The following RXRA variants were observed in gnomAD, a reference collection of about 807,000 sequenced individuals.
The protein encoded by RXRA is retinoid X receptor alpha, also known as retinoic acid receptor RXR-alpha.
RXRA carries 5 observed loss-of-function variants against 44.5 expected under a neutral mutation model. That is an observed-to-expected ratio of 0.11 (90% CI 0.06 to 0.24). RXRA has a LOEUF of 0.24. Among genes scored for constraint, RXRA ranks in the 10% least tolerant of loss-of-function variants. The pLI is 1.00. For missense variants in RXRA, 412 were observed against 646.5 expected, an observed-to-expected ratio of 0.64 and a Z score of 3.93; for synonymous variants, 291 against 271.4, an observed-to-expected ratio of 1.07 and a Z score of -0.71.
intron 6 of RXRA, chr9:134,422,028 C>G (rs1224110954): frequency 6.3e-6 from 9 of 1,433,278 alleles, no homozygotes; most frequent in Non-Finnish European, 7.4e-6. Context: ...TCCCCCCTCC[C>G]TGGATGCTCC....
intron 1 of RXRA, among the ~76,000 whole-genome samples, chr9:134,397,336 C>A (rs540891037): frequency 1.3e-5 from 2 of 152,186 alleles, no homozygotes; most frequent in Non-Finnish European, 2.9e-5. Flanking sequence ...ACTAAACCTG[C>A]CGCTTAGCCC....
intron 1 of RXRA, among the ~76,000 whole-genome samples, chr9:134,346,988 G>A (rs1201511579): frequency 7.9e-5 from 12 of 152,220 alleles, no homozygotes; most frequent in African/African-American, 2.2e-4. Flanking sequence ...CCTGGCCCTT[G>A]CGGGGAGGGC....
chr9:134,338,899 C>T (rs1291906075), intron 1 of RXRA, among the ~76,000 whole-genome samples: 2 of 152,236 alleles, frequency 1.3e-5, no homozygotes, highest in Non-Finnish European at 2.9e-5. Context: ...TTCTGCCCTC[C>T]CTGCTGACCC....
chr9:134,440,176 TC>T lies in RXRA; in HGVS notation c.*3563del, dbSNP rs1174675479. ...TGGCGGGGGGAGGGCTGGGACTGTT[TC>T]GTTTCTGCTTCTAGAGATTGAGGTG... is the stretch of plus-strand genomic sequence containing the variant. On this transcript the variant is annotated 3_prime_UTR_variant, in exon 10 of 10. Transcript: ENST00000481739. 6.6e-6 allele frequency: 1 copy of T among 152,122 alleles called. No homozygotes were observed. The highest frequency in any genetic ancestry group is 2.4e-5 in the African/African-American group (1 of 41,410). 9.4% of individuals were successfully genotyped at this position (152,122 alleles called of 1,614,324 possible).
chr9:134,339,683 G>GTGTGTGTCTCTGTGTGTGTGCC (rs1554747843), intron 1 of RXRA, among the ~76,000 whole-genome samples: 2 of 151,368 alleles, frequency 1.3e-5, no homozygotes, highest in Non-Finnish European at 2.9e-5. Context: ...GCCTGTGTGT[G>GTGTGTGTCTCTGTGTGTGTGCC]TGTGTGTCTC....
At chr9:134,367,476 T>C (rs1830429144) in intron 1 of RXRA, among the ~76,000 whole-genome samples, 2 of 152,234 alleles carry the variant, frequency 1.3e-5, no homozygotes, top group African/African-American at 4.8e-5. Flanking sequence ...CAGGGCCCGC[T>C]GTGTGCCCTT....
At position 134,436,890 on chromosome 9, in the gene RXRA, A is replaced by G. The variant is rs1042525614; in HGVS notation, c.*276A>G. The G allele has an allele frequency of 6.8e-6, 3 of 444,268 alleles. No homozygotes were observed. Among genetic ancestry groups the G allele is most frequent in the Non-Finnish European group, 1.2e-5 (3 of 246,424 alleles). 27.5% of individuals were successfully genotyped at this position (444,268 alleles called of 1,614,324 possible). On this transcript the variant is annotated 3_prime_UTR_variant, in exon 10 of 10. Coordinates refer to ENST00000481739, the MANE Select transcript of RXRA (RefSeq NM_002957.6). Reference sequence around the variant, plus strand: ...CCAGGCGCCTCCCCACCGGGCTCTCAGGACACCCTGCCACACCCCACGGGG... The same window carrying G: ...CCAGGCGCCTCCCCACCGGGCTCTCGGGACACCCTGCCACACCCCACGGGG...
intron 6 of RXRA, among the ~76,000 whole-genome samples, chr9:134,428,028 G>A (rs1252185731): frequency 3.9e-5 from 6 of 152,164 alleles, no homozygotes; most frequent in East Asian, 1.9e-4. Context: ...GTGATTCCAC[G>A]TCACCCGGTC....
chr9:134,429,671 G>T (rs117048494), intron 7 of RXRA, among the ~76,000 whole-genome samples: 1 of 152,206 alleles, frequency 6.6e-6, no homozygotes, highest in Non-Finnish European at 1.5e-5. Flanking sequence ...GCAGGCAGGG[G>T]TGTCGGGACC....
At chr9:134,383,555 G>T (rs546466151) in intron 1 of RXRA, among the ~76,000 whole-genome samples, 1 of 152,150 alleles carries the variant, frequency 6.6e-6, no homozygotes, top group Admixed American at 6.5e-5. Flanking sequence ...TAAATGAAGC[G>T]CATTGATGGG....
At chr9:134,418,251 G>A (rs1831273112) in intron 5 of RXRA, among the ~76,000 whole-genome samples, 1 of 152,176 alleles carries the variant, frequency 6.6e-6, no homozygotes, top group South Asian at 2.1e-4. Flanking sequence ...TTGGGCAGGT[G>A]AGCTCCTGGC....
chr9:134,388,745 G>A (rs1200963402), intron 1 of RXRA, among the ~76,000 whole-genome samples: 2 of 152,198 alleles, frequency 1.3e-5, no homozygotes, highest in Admixed American at 6.5e-5. Flanking sequence ...TGGATGGGGA[G>A]GGGAGTCATC....
chr9:134,364,705 C>T (rs1187574910), intron 1 of RXRA, among the ~76,000 whole-genome samples: 2 of 152,214 alleles, frequency 1.3e-5, no homozygotes, highest in East Asian at 1.9e-4. Flanking sequence ...TGGGCTCTTC[C>T]GGGCAAGGCT....
chr9:134,361,104 C>G (rs1830346352), intron 1 of RXRA, among the ~76,000 whole-genome samples: 1 of 152,366 alleles, frequency 6.6e-6, no homozygotes, highest in South Asian at 2.1e-4. Flanking sequence ...CCTTCGCTGT[C>G]AGACTGGACT....
chr9:134,366,092 T>G lies in RXRA; in HGVS notation c.29-35540T>G, dbSNP rs1038966240. On this transcript the variant is annotated intron_variant, in intron 1 of 9. Transcript: ENST00000481739. The surrounding 1 kb of genome is among the most constrained non-coding windows in gnomAD (Gnocchi z 5.9). ...ATCTTCAGCATCTCTCGTGCCTCAG[T>G]AACAACCTGGGAGCGGTGCTGTCCC... is the stretch of plus-strand genomic sequence containing the variant. 1.3e-5 allele frequency among the ~76,000 whole-genome samples: 2 copies of G among 152,074 alleles called. No homozygotes were observed.
intron 1 of RXRA, among the ~76,000 whole-genome samples, chr9:134,373,391 C>T (rs1251329264): frequency 6.6e-6 from 1 of 152,212 alleles, no homozygotes; most frequent in African/African-American, 2.4e-5. Context: ...TGTGCCGGGC[C>T]CTGCGCTCAG....
At chr9:134,368,514 G>A (rs1020675550) in intron 1 of RXRA, among the ~76,000 whole-genome samples, 9 of 152,172 alleles carry the variant, frequency 5.9e-5, no homozygotes, top group South Asian at 2.1e-4. Flanking sequence ...CATGTGTGCC[G>A]TTCTGTTAGG....
chr9:134,379,171 C>A, intron 1 of RXRA: 1 of 726,890 alleles, frequency 1.4e-6, no homozygotes, highest in Non-Finnish European at 1.7e-6. Context: ...CAGCAGGACC[C>A]GGAATTATGC....
At chr9:134,359,864 T>C (rs1029638209) in intron 1 of RXRA, among the ~76,000 whole-genome samples, 1 of 152,112 alleles carries the variant, frequency 6.6e-6, no homozygotes, top group South Asian at 2.1e-4. Context: ...CCCGAGATTG[T>C]CCTGCCATGC....
Sources: allele counts gnomAD v4.1 joint callset (sites outside exome capture counted in the v4.1 genomes callset), GRCh38; gene constraint gnomAD v4.1.1; non-coding constraint Gnocchi (gnomAD v3.1); transcripts MANE v1.5; gene names NCBI Gene and HGNC (gene_info 2026-07-23, HGNC 2026-07-21).